WDR3: variants seen among roughly 807,000 people sequenced by gnomAD.
WDR3 encodes the protein WD repeat domain 3, also known as WD repeat-containing protein 3.
In WDR3, 81 loss-of-function variants were observed where a neutral mutation model predicts 123.7. That is an observed-to-expected ratio of 0.65 (90% CI 0.55 to 0.79). WDR3 has a LOEUF of 0.79. Ranked by LOEUF, WDR3 falls within the 30% of genes least tolerant of loss-of-function variation. The probability of loss-of-function intolerance (pLI) is 0.00; values close to 1 mark genes in which losing one functional copy is unlikely to be tolerated. For synonymous variants in WDR3, 390 were observed against 388.8 expected, an observed-to-expected ratio of 1.00 and a Z score of -0.04; for missense variants, 1,027 against 1,123.2, an observed-to-expected ratio of 0.91 and a Z score of 1.22.
chr1:117,941,365 C>A, intron 8 of WDR3, 140 bp downstream of exon 8: 1 of 752,942 alleles, frequency 1.3e-6, no homozygotes, highest in South Asian at 2.3e-5. Context: ...GACCTATAAT[C>A]TCTAGCTTTA....
Position 117,963,705 on chromosome 1 carries a change from G to A in WDR3, c.*4258G>A. The A allele has an allele frequency of 8.2e-7, 1 of 1,215,530 alleles. No homozygotes were observed. Among genetic ancestry groups the A allele is most frequent in the Non-Finnish European group, 1.1e-6 (1 of 875,318 alleles). 75.3% of individuals were successfully genotyped at this position (1,215,530 alleles called of 1,614,324 possible). A position where few individuals can be genotyped will look rare whatever the true frequency, so the allele number is the denominator to read the frequency against. On this transcript the variant is annotated 3_prime_UTR_variant, in exon 27 of 27. Coordinates refer to ENST00000349139, the MANE Select transcript of WDR3 (RefSeq NM_006784.3). ...TTCATTCAGGCCAGGTGGCTTATAG[G>A]TTTCTGACTATAAGAAGAGGGGAAG...
chr1:117,953,354 T>A (rs1488559045), intron 20 of WDR3, 122 bp from the exon 21 acceptor site: 2 of 946,454 alleles, frequency 2.1e-6, no homozygotes. Flanking sequence ...TGGTAGCTGA[T>A]AACACTGTTA....
At chr1:117,947,692 G>A (rs751338800) in intron 12 of WDR3, among the ~76,000 whole-genome samples, 3 of 152,140 alleles carry the variant, frequency 2.0e-5, no homozygotes, top group Non-Finnish European at 2.9e-5. Context: ...AGGTTCATGG[G>A]GATGAATTTA....
At chr1:117,938,805 ATAAT>A (rs1651036335) in intron 5 of WDR3, among the ~76,000 whole-genome samples, 1 of 152,218 alleles carries the variant, frequency 6.6e-6, no homozygotes, top group African/African-American at 2.4e-5. Context: ...TCATTTCTAA[ATAAT>A]AAGTGTCCAC....
At chr1:117,955,152 A>T (rs954546058) in intron 23 of WDR3, 163 bp from the exon 24 acceptor site, 2 of 551,104 alleles carry the variant, frequency 3.6e-6, no homozygotes, top group Non-Finnish European at 6.3e-6. Flanking sequence ...TCAGTTGTCA[A>T]CCCAGATCTG....
chr1:117,939,051 G>A (rs1007270360), intron 5 of WDR3, among the ~76,000 whole-genome samples: 13 of 152,130 alleles, frequency 8.5e-5, no homozygotes, highest in Non-Finnish European at 4.4e-5. Flanking sequence ...TTGTTGATTT[G>A]CAACAATATT....
At chr1:117,951,708 A>G (rs1426985196) in intron 16 of WDR3, among the ~76,000 whole-genome samples, 2 of 152,106 alleles carry the variant, frequency 1.3e-5, no homozygotes, top group Non-Finnish European at 2.9e-5. Flanking sequence ...CTAACGAAGT[A>G]AATAGATAAC....
In WDR3 at chr1:117,943,496, A is replaced by C. The variant is rs141364091; in HGVS notation, c.1198A>C (p.Thr400Pro). The C allele has an allele frequency of 4.3e-6, 7 of 1,613,728 alleles. No individual in the cohort carries two copies. Residue 400 changes from threonine (T) to proline (P), a missense_variant, in exon 11 of 27, where the codon ACT becomes CCT. Physicochemically the swap from Thr to Pro is conservative, Grantham distance 38. Coordinates refer to ENST00000349139, the MANE Select transcript of WDR3 (RefSeq NM_006784.3). ...ELYSLNPSLP[T>P]PQPVRTSRIT... The stretch of plus-strand genomic sequence containing the variant: ...GTATTCACTGAATCCATCCTTGCCT[A>C]CTCCTCAGCCTGTCAGGACAAGCAG...
In WDR3 at chr1:117,952,341, C is replaced by T. The variant is rs1173373142; in HGVS notation, c.1949C>T (p.Thr650Ile). ...QFVPKSHLFF[T>I]AGKDHKIKQW... ...GTACCCAAGTCTCACCTCTTCTTCA[C>T]TGCCGGAAAAGATCATAAGATTAAA... Residue 650 changes from threonine (T) to isoleucine (I), a missense_variant, in exon 18 of 27, where the codon ACT (threonine) becomes ATT (isoleucine). By Grantham distance (89) the Thr-to-Ile change is moderately conservative. Coordinates refer to ENST00000349139, the MANE Select transcript of WDR3 (RefSeq NM_006784.3). The T allele has an allele frequency of 6.2e-7, 1 of 1,613,374 alleles. No homozygotes were observed. Among genetic ancestry groups the T allele is most frequent in the South Asian group, 1.1e-5 (1 of 91,024 alleles).
intron 22 of WDR3, 26 bp downstream of exon 22, chr1:117,954,125 A>G (rs749793352): frequency 4.4e-6 from 7 of 1,578,962 alleles, no homozygotes; most frequent in African/African-American, 1.4e-5. Context: ...AGTAAGTTAC[A>G]GTATCAATAA....
At position 117,941,814 on chromosome 1, in the gene WDR3, A is replaced by G; in HGVS notation, c.956A>G (p.Asp319Gly). Residue 319 changes from aspartate (D) to glycine (G), a missense_variant, in exon 9 of 27, where the codon GAT becomes GGT. Physicochemically the swap from Asp to Gly is moderately conservative, Grantham distance 94. Transcript: ENST00000349139. Reference sequence around the variant, plus strand: ...AAAAAGGAAATTCAGAAGAAAATGGATAAGAAGATGAAGAAAGCTAGAAAG... The same window carrying G: ...AAAAAGGAAATTCAGAAGAAAATGGGTAAGAAGATGAAGAAAGCTAGAAAG... ...LSKKEIQKKM[D>G]KKMKKARKKA... 6.2e-7 allele frequency: 1 copy of G among 1,610,126 alleles called. No homozygotes were observed. Among genetic ancestry groups the G allele is most frequent in the South Asian group, 1.1e-5 (1 of 89,946 alleles).
At chr1:117,951,828 G>C in intron 16 of WDR3, 148 bp from the exon 17 acceptor site, 1 of 708,780 alleles carries the variant, frequency 1.4e-6, no homozygotes, top group South Asian at 2.0e-5. Flanking sequence ...TAAGAGCAAA[G>C]AATTCAGTGT....
At chr1:117,947,706 A>G (rs374984741) in intron 12 of WDR3, among the ~76,000 whole-genome samples, 22 of 152,224 alleles carry the variant, frequency 1.4e-4, no homozygotes, top group African/African-American at 5.1e-4. Flanking sequence ...GAATTTACCA[A>G]TGGGCACAAA....
intron 10 of WDR3, 108 bp downstream of exon 10, chr1:117,942,652 C>T (rs1463147952): frequency 8.2e-6 from 8 of 979,640 alleles, no homozygotes; most frequent in African/African-American, 1.6e-5. Context: ...TATGTGGAGA[C>T]GGTGGTCATG....
chr1:117,947,789 G>C (rs1651460542), intron 12 of WDR3, among the ~76,000 whole-genome samples: 1 of 152,172 alleles, frequency 6.6e-6, no homozygotes, highest in Non-Finnish European at 1.5e-5. Context: ...CGTAAAACAG[G>C]CTTTGCCTCT....
At chr1:117,943,275 A>C in intron 10 of WDR3, 121 bp from the exon 11 acceptor site, 1 of 874,698 alleles carries the variant, frequency 1.1e-6, no homozygotes, top group African/African-American at 1.7e-5. Flanking sequence ...TACTTGAAAA[A>C]TTGTTTATAG....
At chr1:117,934,993 A>G (rs991414782) in intron 3 of WDR3, among the ~76,000 whole-genome samples, 1 of 152,250 alleles carries the variant, frequency 6.6e-6, no homozygotes, top group Non-Finnish European at 1.5e-5. Flanking sequence ...GGAAAAGAAG[A>G]GACAAAATAA....
At chr1:117,946,234 A>G in intron 12 of WDR3, 55 bp downstream of exon 12, 2 of 1,423,442 alleles carry the variant, frequency 1.4e-6, no homozygotes, top group Non-Finnish European at 1.9e-6. Context: ...AAATTCATAA[A>G]GTTAAGAAAT....
intron 19 of WDR3, 59 bp downstream of exon 19, chr1:117,952,721 T>C: frequency 1.3e-6 from 2 of 1,587,484 alleles, no homozygotes; most frequent in Non-Finnish European, 1.7e-6. Flanking sequence ...GCTGTCCTAG[T>C]TGAAGTTTTC....
Sources: allele counts gnomAD v4.1 joint callset (sites outside exome capture counted in the v4.1 genomes callset), GRCh38; gene constraint gnomAD v4.1.1; transcripts MANE v1.5; gene names NCBI Gene and HGNC (gene_info 2026-07-23, HGNC 2026-07-21).